The following CCNJL variants were observed in gnomAD, a reference collection of about 807,000 sequenced individuals.
The protein encoded by CCNJL is cyclin-J-like protein.
Under a neutral mutation model 33.4 loss-of-function variants are expected in CCNJL, and 33 were observed. The observed-to-expected ratio is 0.99, with a 90% CI of 0.75 to 1.32. The LOEUF is 1.32. Among genes scored for constraint, CCNJL ranks in the 40% most tolerant of loss-of-function variants. The probability of loss-of-function intolerance (pLI) is 0.00; values close to 1 mark genes in which losing one functional copy is unlikely to be tolerated. For missense variants in CCNJL, 512 were observed against 499.7 expected, an observed-to-expected ratio of 1.02 and a Z score of -0.23; for synonymous variants, 227 against 220.9, an observed-to-expected ratio of 1.03 and a Z score of -0.24.
At chr5:160,337,696 T>C (rs1028813412) in intron 1 of CCNJL, among the ~76,000 whole-genome samples, 6 of 152,160 alleles carry the variant, frequency 3.9e-5, no homozygotes, top group African/African-American at 7.2e-5. Flanking sequence ...TTTTGTGCCA[T>C]TGGAGATTTG....
chr5:160,319,958 G>A (rs541511516), intron 1 of CCNJL, among the ~76,000 whole-genome samples: 9 of 150,854 alleles, frequency 6.0e-5, no homozygotes, highest in South Asian at 2.1e-4. Flanking sequence ...ATAAATAAAC[G>A]ATGGATAACA....
intron 2 of CCNJL, among the ~76,000 whole-genome samples, chr5:160,292,665 T>TGTATATATATATA (rs2113395094): frequency 7.2e-6 from 1 of 139,666 alleles, no homozygotes; most frequent in African/African-American, 3.0e-5. Flanking sequence ...AACATGTGTG[T>TGTATATATATATA]GTATATATAT....
chr5:160,292,019 C>T (rs565182950), intron 2 of CCNJL, among the ~76,000 whole-genome samples: 26 of 152,220 alleles, frequency 1.7e-4, no homozygotes, highest in Middle Eastern at 3.4e-3. Context: ...CCTCTGAATA[C>T]GCGCTGCATT....
At chr5:160,298,293 G>GAGGTTGC (rs1561800803) in intron 2 of CCNJL, among the ~76,000 whole-genome samples, 1 of 151,994 alleles carries the variant, frequency 6.6e-6, no homozygotes, top group Non-Finnish European at 1.5e-5. Context: ...CCAGGAGGTG[G>GAGGTTGC]AGGTTGCAGT....
intron 2 of CCNJL, among the ~76,000 whole-genome samples, chr5:160,310,245 A>G (rs1279471234): frequency 1.3e-5 from 2 of 151,946 alleles, no homozygotes; most frequent in African/African-American, 4.8e-5. Flanking sequence ...TACCCCTACC[A>G]CTTTCCTTGC....
At chr5:160,297,408 T>C (rs1762781056) in intron 2 of CCNJL, among the ~76,000 whole-genome samples, 1 of 152,172 alleles carries the variant, frequency 6.6e-6, no homozygotes, top group East Asian at 1.9e-4. Flanking sequence ...TCTTCCTAAC[T>C]AGAATGCTGA....
chr5:160,271,522 A>T (rs1156811590), intron 3 of CCNJL, among the ~76,000 whole-genome samples: 2 of 152,192 alleles, frequency 1.3e-5, no homozygotes, highest in Non-Finnish European at 2.9e-5. Flanking sequence ...CCCCTGAAAC[A>T]GCTCTAAGCC....
At chr5:160,275,092 T>G (rs1761965074) in intron 3 of CCNJL, among the ~76,000 whole-genome samples, 1 of 151,790 alleles carries the variant, frequency 6.6e-6, no homozygotes, top group African/African-American at 2.4e-5. Flanking sequence ...TGTGTTTTTT[T>G]TTTTTTTTTT....
intron 1 of CCNJL, among the ~76,000 whole-genome samples, chr5:160,337,003 CTTTT>C (rs35461944): frequency 4.2e-5 from 4 of 95,066 alleles, no homozygotes; most frequent in African/African-American, 1.2e-4. Flanking sequence ...CTTTTTCTTT[CTTTT>C]TTTTTTTTTT....
Position 160,283,185 on chromosome 5 carries a change from A to C in CCNJL, c.67-2447T>G, listed in dbSNP as rs548702243. Among the ~76,000 whole-genome samples, 4 of 151,736 alleles carry C rather than the reference A, an allele frequency of 2.6e-5. No homozygotes were observed. In the South Asian group the frequency reaches 8.3e-4, roughly 32 times the overall value. Reference sequence around the variant, plus strand: ...ATGTATCCATACAACAGAATATTACACATGTTACAGCAGGGGTGAATCTTG... The same window carrying C: ...ATGTATCCATACAACAGAATATTACCCATGTTACAGCAGGGGTGAATCTTG... On this transcript the variant is annotated intron_variant, in intron 2 of 5. Coordinates refer to ENST00000257536, the MANE Select transcript of CCNJL (RefSeq NM_001308173.3).
At chr5:160,310,240 C>T (rs942023511) in intron 2 of CCNJL, among the ~76,000 whole-genome samples, 2 of 152,198 alleles carry the variant, frequency 1.3e-5, no homozygotes, top group Non-Finnish European at 2.9e-5. Flanking sequence ...GACCATACCC[C>T]TACCACTTTC....
At chr5:160,316,354 A>C (rs887745721), upstream of CCNJL, among the ~76,000 whole-genome samples, 9 of 152,154 alleles carry the variant, frequency 5.9e-5, no homozygotes, top group African/African-American at 2.2e-4. Context: ...TCTGAAGCTC[A>C]CAGGTTGGGA....
At chr5:160,276,922 T>C (rs116531851) in intron 3 of CCNJL, among the ~76,000 whole-genome samples, 2,087 of 152,214 alleles carry the variant, frequency 0.014, 43 homozygotes, top group African/African-American at 0.047. Flanking sequence ...TAGCTGAGAC[T>C]ACAGGCATGA....
intron 2 of CCNJL, among the ~76,000 whole-genome samples, chr5:160,290,955 T>C (rs1334236814): frequency 1.4e-5 from 2 of 141,902 alleles, no homozygotes; most frequent in East Asian, 2.1e-4. Context: ...ACACCAGTAA[T>C]TGCAACACTT....
chr5:160,337,003 CTTTTTT>C (rs35461944), intron 1 of CCNJL, among the ~76,000 whole-genome samples: 7 of 95,072 alleles, frequency 7.4e-5, no homozygotes, highest in Non-Finnish European at 4.0e-5. Context: ...CTTTTTCTTT[CTTTTTT>C]TTTTTTTTTT....
intron 2 of CCNJL, among the ~76,000 whole-genome samples, chr5:160,291,653 G>A (rs1341294445): frequency 6.6e-6 from 1 of 152,194 alleles, no homozygotes; most frequent in Non-Finnish European, 1.5e-5. Context: ...TCCCTGGCGT[G>A]ATGCCTAATA....
At chr5:160,280,799 TC>T in intron 2 of CCNJL, 61 bp from the exon 3 acceptor site, 1 of 1,152,254 alleles carries the variant, frequency 8.7e-7, no homozygotes, top group Non-Finnish European at 1.3e-6. Context: ...GTCTCGGCTG[TC>T]CCAGGAAATG....
intron 3 of CCNJL, among the ~76,000 whole-genome samples, chr5:160,262,481 C>T (rs188786769): frequency 2.6e-5 from 4 of 152,298 alleles, no homozygotes; most frequent in Non-Finnish European, 5.9e-5. Flanking sequence ...CCTGGACCTA[C>T]GAGCACTAAA....
At chr5:160,282,979 A>ATATG (rs1762272491) in intron 2 of CCNJL, among the ~76,000 whole-genome samples, 1 of 56,358 alleles carries the variant, frequency 1.8e-5, no homozygotes, top group African/African-American at 8.3e-5. Flanking sequence ...ATATATATAT[A>ATATG]TATATATATA....
Sources: gnomAD v4.1 joint callset for allele counts (sites outside exome capture counted in the v4.1 genomes callset) on GRCh38, gnomAD v4.1.1 for gene constraint, MANE v1.5 for transcripts, NCBI Gene and HGNC (gene_info 2026-07-23, HGNC 2026-07-21) for gene names.